Variants in WDR75 observed in about 807,000 individuals in gnomAD.
WDR75 encodes the protein WD repeat domain 75.
A neutral mutation model predicts 106.1 loss-of-function variants in WDR75; 52 were observed. The observed-to-expected ratio is 0.49, with a 90% CI of 0.39 to 0.62. The LOEUF is 0.62. WDR75 is among the 20% of genes least tolerant of loss of function. The pLI is 0.00. For missense variants in WDR75, 905 were observed against 970.3 expected, an observed-to-expected ratio of 0.93 and a Z score of 0.89; for synonymous variants, 333 against 335.5, an observed-to-expected ratio of 0.99 and a Z score of 0.08.
At chr2:189,452,210 A>G (rs1287352978) in intron 4 of WDR75, among the ~76,000 whole-genome samples, 3 of 152,200 alleles carry the variant, frequency 2.0e-5, no homozygotes, top group African/African-American at 7.2e-5. Flanking sequence ...ACTATCATTT[A>G]TCTATCATTG....
intron 8 of WDR75, among the ~76,000 whole-genome samples, chr2:189,461,501 A>G (rs1686882361): frequency 6.6e-6 from 1 of 152,036 alleles, no homozygotes; most frequent in Non-Finnish European, 1.5e-5. Flanking sequence ...TGTGGTTCTC[A>G]TATATATTTT....
chr2:189,456,153 G>A (rs1453627840), intron 5 of WDR75, among the ~76,000 whole-genome samples: 1 of 152,148 alleles, frequency 6.6e-6, no homozygotes, highest in African/African-American at 2.4e-5. Flanking sequence ...CATCATTAAT[G>A]TCAGCATTCT....
intron 4 of WDR75, among the ~76,000 whole-genome samples, chr2:189,453,778 A>G (rs1482520169): frequency 4.0e-5 from 6 of 151,758 alleles, no homozygotes; most frequent in African/African-American, 1.4e-4. Flanking sequence ...ACTCAAATAC[A>G]AAAACATATA....
chr2:189,444,528 C>G (rs1218023875), intron 1 of WDR75, among the ~76,000 whole-genome samples: 2 of 152,186 alleles, frequency 1.3e-5, no homozygotes, highest in African/African-American at 4.8e-5. Context: ...AAAACTGAAA[C>G]AATGAGTCAT....
chr2:189,442,876 T>C (rs1301197885), intron 1 of WDR75, among the ~76,000 whole-genome samples: 1 of 152,196 alleles, frequency 6.6e-6, no homozygotes, highest in Non-Finnish European at 1.5e-5. Context: ...TTTGTTGACA[T>C]TGATCTTATG....
chr2:189,447,586 T>C (rs549605394), intron 1 of WDR75, among the ~76,000 whole-genome samples: 1 of 152,300 alleles, frequency 6.6e-6, no homozygotes, highest in East Asian at 1.9e-4. Context: ...CTGCATCCAT[T>C]TAATGAGCAG....
chr2:189,465,179 T>A lies in WDR75; in HGVS notation c.1214T>A (p.Val405Glu), dbSNP rs767610641. Residue 405 changes from valine (V) to glutamate (E), a missense_variant, in exon 12 of 21, where the codon GTG (valine) becomes GAG (glutamate). Val to Glu is a moderately radical substitution (Grantham distance 121). Coordinates refer to ENST00000314761, the MANE Select transcript of WDR75 (RefSeq NM_032168.3). ...FGCFGNWLAT[V>E]EQRQEKETEL... ...TGCTTTGGTAACTGGCTTGCAACAG[T>A]GGAACAGCGGCAAGAAAAGGAAACT... is the stretch of plus-strand genomic sequence containing the variant. The A allele has an allele frequency of 6.2e-7, 1 of 1,613,268 alleles. No homozygotes were observed. Among genetic ancestry groups the A allele is most frequent in the Non-Finnish European group, 8.5e-7 (1 of 1,179,438 alleles).
chr2:189,456,502 T>C (rs1686738986), intron 5 of WDR75, among the ~76,000 whole-genome samples: 1 of 152,032 alleles, frequency 6.6e-6, no homozygotes, highest in Admixed American at 6.6e-5. Context: ...ATGGATGATG[T>C]TGAGCCACAG....
chr2:189,467,010 C>G (rs879679343), intron 13 of WDR75, among the ~76,000 whole-genome samples: 3 of 152,008 alleles, frequency 2.0e-5, no homozygotes, highest in Admixed American at 1.3e-4. Flanking sequence ...TTTGTGTGTG[C>G]ATCTTTGTTT....
chr2:189,453,878 C>T (rs114554475), intron 4 of WDR75, among the ~76,000 whole-genome samples: 3,649 of 152,268 alleles, frequency 0.024, 159 homozygotes, highest in African/African-American at 0.084. Context: ...AATCATGTTG[C>T]AGTTACTTCT....
intron 16 of WDR75, among the ~76,000 whole-genome samples, chr2:189,469,654 A>G (rs185841526): frequency 3.3e-5 from 5 of 152,216 alleles, no homozygotes; most frequent in African/African-American, 1.2e-4. Context: ...CCACAAGCCA[A>G]TTCGTACTCA....
intron 1 of WDR75, among the ~76,000 whole-genome samples, chr2:189,443,124 C>A (rs1686422200): frequency 6.6e-6 from 1 of 152,192 alleles, no homozygotes. Context: ...GAGGAGCTTA[C>A]AGTCTAGTGA....
chr2:189,474,377 A>C, intron 19 of WDR75, 45 bp downstream of exon 19: 1 of 1,566,394 alleles, frequency 6.4e-7, no homozygotes, highest in Non-Finnish European at 8.6e-7. Flanking sequence ...AATGCACTTA[A>C]AGCACCTGAA....
rs144809788 is a variant in WDR75 at position 189,447,092 on chromosome 2, C to G, written c.87-1287C>G. Reference sequence around the variant, plus strand: ...ACTTATGAATTGTTTCTGGAATTTTCCATTTAATATTTTCAGATTGATCTT... The same window carrying G: ...ACTTATGAATTGTTTCTGGAATTTTGCATTTAATATTTTCAGATTGATCTT... On this transcript the variant is annotated intron_variant, in intron 1 of 20. Transcript: ENST00000314761. Among the ~76,000 whole-genome samples the G allele has an allele frequency of 2.3e-3, 351 of 152,226 alleles. 1 individual carries two copies. The highest frequency in any genetic ancestry group is 4.5e-3 in the Non-Finnish European group (306 of 68,002).
At chr2:189,447,713 C>T (rs1686529696) in intron 1 of WDR75, among the ~76,000 whole-genome samples, 2 of 152,278 alleles carry the variant, frequency 1.3e-5, no homozygotes, top group South Asian at 4.1e-4. Context: ...ATAATCTCTT[C>T]TGAGTTAATG....
intron 1 of WDR75, 24 bp from the exon 2 acceptor site, chr2:189,448,351 AACTT>A (rs1406017697): frequency 1.9e-6 from 3 of 1,606,120 alleles, no homozygotes; most frequent in East Asian, 2.2e-5. Context: ...CAGTATGTAA[AACTT>A]ACTTTTCTTT....
Position 189,458,761 on chromosome 2 carries a change from T to C in WDR75, c.578T>C (p.Leu193Ser). The change falls in exon 7 of 21, where the codon TTA becomes TCA. Residue 193 changes from leucine to serine, a missense_variant. Physicochemically the swap from Leu to Ser is moderately radical, Grantham distance 145 (BLOSUM62 -2). Transcript: ENST00000314761. ...TTTTTTTTTTCTCCTAGGTTTACTTTATCATCATCAAGAAATAAGAAGCAT... is the reference window on the plus strand; with the variant it reads ...TTTTTTTTTTCTCCTAGGTTTACTTCATCATCATCAAGAAATAAGAAGCAT... ...FKKKTTSRFT[L>S]SSSRNKKHAK... 6.3e-7 allele frequency: 1 copy of C among 1,579,632 alleles called. No homozygotes were observed. Among genetic ancestry groups the C allele is most frequent in the East Asian group, 2.3e-5 (1 of 43,404 alleles).
intron 11 of WDR75, among the ~76,000 whole-genome samples, chr2:189,464,815 G>A (rs866816756): frequency 6.6e-6 from 1 of 152,058 alleles, no homozygotes; most frequent in South Asian, 2.1e-4. Context: ...GTATCATATA[G>A]TGGGTGTTAG....
At chr2:189,464,055 C>G in intron 11 of WDR75, 94 bp downstream of exon 11, 2 of 1,015,774 alleles carry the variant, frequency 2.0e-6, no homozygotes, top group Admixed American at 2.1e-5. Flanking sequence ...AAAACAAGAT[C>G]CTGTGCATAT....
Sources: gnomAD v4.1 joint callset for allele counts (sites outside exome capture counted in the v4.1 genomes callset) on GRCh38, gnomAD v4.1.1 for gene constraint, MANE v1.5 for transcripts, NCBI Gene and HGNC (gene_info 2026-07-23, HGNC 2026-07-21) for gene names.